The following FOXJ3 variants were observed in gnomAD, a reference collection of about 807,000 sequenced individuals.
The protein encoded by FOXJ3 is forkhead box J3, also known as forkhead box protein J3.
In FOXJ3, 22 loss-of-function variants were observed where a neutral mutation model predicts 76.1. The observed-to-expected ratio is 0.29, with a 90% CI of 0.21 to 0.41. FOXJ3 has a LOEUF of 0.41. Ranked by LOEUF, FOXJ3 falls within the 10% of genes least tolerant of loss-of-function variation. The probability of loss-of-function intolerance (pLI) is 1.00; values close to 1 mark genes in which losing one functional copy is unlikely to be tolerated. For missense variants in FOXJ3, 613 were observed against 762.1 expected, an observed-to-expected ratio of 0.80 and a Z score of 2.30; for synonymous variants, 269 against 261.2, an observed-to-expected ratio of 1.03 and a Z score of -0.29.
chr1:42,182,501 T>C (rs1007218493), intron 11 of FOXJ3, among the ~76,000 whole-genome samples: 1 of 152,148 alleles, frequency 6.6e-6, no homozygotes, highest in Non-Finnish European at 1.5e-5. Flanking sequence ...TCCTAACTCA[T>C]GGACTCTCTT....
intron 11 of FOXJ3, among the ~76,000 whole-genome samples, chr1:42,186,906 G>C (rs957115094): frequency 6.6e-6 from 1 of 152,118 alleles, no homozygotes; most frequent in Non-Finnish European, 1.5e-5. Context: ...GGAGTGCACT[G>C]GTGTGATCTC....
intron 2 of FOXJ3, among the ~76,000 whole-genome samples, chr1:42,288,888 A>G (rs1340354413): frequency 6.6e-6 from 1 of 152,208 alleles, no homozygotes; most frequent in Non-Finnish European, 1.5e-5. Context: ...TGGAACATAC[A>G]GTTACTTTAC....
chr1:42,196,117 T>C (rs1335836678), intron 7 of FOXJ3, among the ~76,000 whole-genome samples: 1 of 152,240 alleles, frequency 6.6e-6, no homozygotes, highest in Non-Finnish European at 1.5e-5. Context: ...TAAAACTGCT[T>C]AGTTGCACTA....
At chr1:42,231,152 TAA>T (rs34865801) in intron 4 of FOXJ3, among the ~76,000 whole-genome samples, 276 of 144,906 alleles carry the variant, frequency 1.9e-3, no homozygotes, top group Non-Finnish European at 1.6e-3. Context: ...CGTCTCTACT[TAA>T]AAAAAAAAAA....
At chr1:42,251,355 C>A (rs975678058) in intron 4 of FOXJ3, among the ~76,000 whole-genome samples, 1 of 152,004 alleles carries the variant, frequency 6.6e-6, no homozygotes, top group African/African-American at 2.4e-5. Context: ...GGAATCCATA[C>A]CCAGAAAAAA....
intron 11 of FOXJ3, among the ~76,000 whole-genome samples, chr1:42,186,753 C>T (rs569253536): frequency 3.9e-5 from 6 of 152,272 alleles, no homozygotes; most frequent in South Asian, 2.1e-4. Context: ...CCAAAAGGTA[C>T]ACATAGACCT....
chr1:42,201,943 ATT>A lies in FOXJ3; in HGVS notation c.631-2715_631-2714del, dbSNP rs1397988318. Among the ~76,000 whole-genome samples the A allele has an allele frequency of 2.0e-5, 3 of 152,086 alleles. 1 individual carries two copies. Among genetic ancestry groups the A allele is most frequent in the Non-Finnish European group, 4.4e-5 (3 of 67,982 alleles). On this transcript the variant is annotated intron_variant, in intron 6 of 12. Coordinates refer to ENST00000361346, the MANE Select transcript of FOXJ3 (RefSeq NM_014947.5). ...ATTCTTGCGCCAGTTTTGATAAGTC[ATT>A]TTTTATGATTTTGTCTATTTCATCT...
intron 4 of FOXJ3, among the ~76,000 whole-genome samples, chr1:42,256,681 T>C (rs1650615169): frequency 6.6e-6 from 1 of 152,256 alleles, no homozygotes; most frequent in Admixed American, 6.5e-5. Flanking sequence ...TGGCAGTTTC[T>C]TATAAAGTTA....
In FOXJ3 at chr1:42,182,815, A is replaced by C. The variant is rs532536531; in HGVS notation, c.1646-791T>G. 2.0e-5 allele frequency among the ~76,000 whole-genome samples: 3 copies of C among 152,158 alleles called. No homozygotes were observed. The South Asian group carries it at 6.2e-4, about 32-fold the overall frequency. On this transcript the variant is annotated intron_variant, in intron 11 of 12. Transcript: ENST00000361346. ...ACCCAGCCACTCATGGACTCTTTCT[A>C]CATCACCACCTATTTCTCTACTTCC...
At chr1:42,277,144 A>G (rs567250265) in intron 3 of FOXJ3, among the ~76,000 whole-genome samples, 1 of 64,788 alleles carries the variant, frequency 1.5e-5, no homozygotes, top group Non-Finnish European at 3.4e-5. Context: ...TTCAAGATAA[A>G]TATTTTTTAA....
intron 1 of FOXJ3, among the ~76,000 whole-genome samples, chr1:42,322,161 A>G (rs1466749660): frequency 2.0e-5 from 3 of 152,104 alleles, no homozygotes; most frequent in African/African-American, 7.2e-5. Context: ...AGGTGGGGAG[A>G]GTGGGAAGTG....
intron 1 of FOXJ3, among the ~76,000 whole-genome samples, chr1:42,333,131 A>C (rs1656258866): frequency 6.6e-6 from 1 of 152,120 alleles, no homozygotes; most frequent in Admixed American, 6.6e-5. Flanking sequence ...AACATTCTCC[A>C]TTTTCCACTG....
chr1:42,210,255 G>C (rs1204387191), intron 5 of FOXJ3, among the ~76,000 whole-genome samples: 3 of 152,156 alleles, frequency 2.0e-5, no homozygotes, highest in Admixed American at 2.0e-4. Flanking sequence ...GCACCCACAT[G>C]TGAAAAGCCA....
intron 5 of FOXJ3, among the ~76,000 whole-genome samples, chr1:42,208,610 T>C (rs1419491431): frequency 6.6e-6 from 1 of 152,196 alleles, no homozygotes; most frequent in Non-Finnish European, 1.5e-5. Flanking sequence ...GTTAAAGGCT[T>C]TTCCTCTTAA....
rs376191499 is a variant in FOXJ3 at position 42,228,813 on chromosome 1, G to C, written c.445-847C>G. 3.3e-3 allele frequency among the ~76,000 whole-genome samples: 496 copies of C among 152,264 alleles called. 4 individuals carry two copies. The highest frequency in any genetic ancestry group is 0.011 in the African/African-American group (470 of 41,542). On this transcript the variant is annotated intron_variant, in intron 4 of 12. Transcript: ENST00000361346. ...ATGAAAGAGGGGAGTTCAAGAAAGG[G>C]AAAGAGGGAAGGGAGGAAGATATGC...
intron 2 of FOXJ3, among the ~76,000 whole-genome samples, chr1:42,294,782 G>A (rs944763326): frequency 1.2e-5 from 1 of 86,242 alleles, no homozygotes; most frequent in Non-Finnish European, 2.5e-5. Flanking sequence ...AAAAAAAGAC[G>A]CCATGAACTT....
At chr1:42,223,265 G>GTATCTT in intron 5 of FOXJ3, among the ~76,000 whole-genome samples, 1 of 152,268 alleles carries the variant, frequency 6.6e-6, no homozygotes, top group East Asian at 1.9e-4. Context: ...AACACCATCT[G>GTATCTT]TATCTACTCA....
At chr1:42,284,915 G>A (rs1652952441) in intron 2 of FOXJ3, among the ~76,000 whole-genome samples, 1 of 152,098 alleles carries the variant, frequency 6.6e-6, no homozygotes, top group Non-Finnish European at 1.5e-5. Flanking sequence ...GAGAAATGTT[G>A]CAGAAATCTA....
At position 42,199,108 on chromosome 1, in the gene FOXJ3, A is replaced by G. The variant is rs147706347; in HGVS notation, c.753T>C (p.Tyr251=). The G allele has an allele frequency of 3.3e-5, 54 of 1,613,204 alleles. No individual in the cohort carries two copies. In the African/African-American group the frequency reaches 5.6e-4, roughly 17 times the overall value. ...TAACTTCATCAAGACTTACCGGTGTATAACTATGCACACTTCCAACACTGT... is the reference window on the plus strand; with the variant it reads ...TAACTTCATCAAGACTTACCGGTGTGTAACTATGCACACTTCCAACACTGT... ...NLNSVGSVHS[Y]TPVTSHPESV... The change falls in exon 7 of 13, where the codon TAT becomes TAC. Residue 251 remains tyrosine, a synonymous_variant. Transcript: ENST00000361346.
Sources: allele counts gnomAD v4.1 joint callset (sites outside exome capture counted in the v4.1 genomes callset), GRCh38; gene constraint gnomAD v4.1.1; transcripts MANE v1.5; gene names NCBI Gene and HGNC (gene_info 2026-07-23, HGNC 2026-07-21).